Variants in AKR1C1 observed in about 807,000 individuals in gnomAD.
AKR1C1 encodes the protein aldo-keto reductase family 1 member C1, also known as 20 alpha-hydroxysteroid dehydrogenase.
AKR1C1 carries 32 observed loss-of-function variants against 40.6 expected under a neutral mutation model. The ratio of observed to expected loss-of-function variants is 0.79; its 90% CI spans 0.60 to 1.06. The LOEUF (loss-of-function observed/expected upper bound fraction) is 1.06, where lower values mean the gene tolerates loss of function less well. Among genes scored for constraint, AKR1C1 ranks in the 50% least tolerant of loss-of-function variants. The pLI, the probability that AKR1C1 is intolerant of heterozygous loss-of-function variation, is 0.00. For missense variants in AKR1C1, 320 were observed against 363.5 expected (o/e 0.88, Z 0.97); for synonymous variants, 105 against 134.2 (o/e 0.78, Z 1.50).
At chr10:4,973,292 G>C (rs1836468515) in intron 7 of AKR1C1, among the ~76,000 whole-genome samples, 1 of 151,556 alleles carries the variant, frequency 6.6e-6, no homozygotes. Context: ...AGCATTTATT[G>C]AGCTCAAGGT....
intron 6 of AKR1C1, 24 bp from the exon 7 acceptor site, chr10:4,972,560 C>G: frequency 6.2e-7 from 1 of 1,612,590 alleles, no homozygotes; most frequent in African/African-American, 1.3e-5. Flanking sequence ...CTCAGGGCCT[C>G]AGCCTTTCTG....
rs180762847 is a variant in AKR1C1 at position 4,979,213 on chromosome 10, C to A, written c.*1471C>A. The stretch of plus-strand genomic sequence containing the variant: ...CCATAAACTTTGGAGGGCCCTAGAC[C>A]AATTTTTTGGATTATTTTTCGTCTT... On this transcript the variant is annotated 3_prime_UTR_variant, in exon 9 of 9. Transcript: ENST00000380872. 5.4e-4 allele frequency: 82 copies of A among 152,216 alleles called. 1 individual carries two copies. The highest frequency in any genetic ancestry group is 1.9e-3 in the African/African-American group (80 of 41,540). The allele number at this position is 152,216 out of a possible 1,614,324, so 9.4% of individuals were successfully genotyped here.
At position 4,978,251 on chromosome 10, in the gene AKR1C1, C is replaced by G. The variant is rs1554770712; in HGVS notation, c.*509C>G. ...AATTCATGGGCTCCCTCCAGCAGTG[C>G]GAGGGTCAGAGTTTCTGGAGCCTTG... On this transcript the variant is annotated 3_prime_UTR_variant, in exon 9 of 9. Transcript: ENST00000380872. The G allele has an allele frequency of 6.7e-6, 1 of 148,802 alleles. No homozygotes were observed. Among genetic ancestry groups the G allele is most frequent in the South Asian group, 2.2e-4 (1 of 4,642 alleles). The allele number at this position is 148,802 out of a possible 1,614,324, so 9.2% of individuals were successfully genotyped here.
chr10:4,968,921 A>T lies in AKR1C1; in HGVS notation c.547A>T (p.Lys183Ter). ...LEMILNKPGLKYKPVCNQVEC... is the reference protein window; with the variant it reads ...LEMILNKPGL ...GATGATCCTCAACAAGCCAGGGCTC[A>T]AGTACAAGCCTGTCTGCAACCAGGT... The change falls in exon 5 of 9, where the codon AAG (lysine) becomes TAG (stop). Residue 183 changes from lysine (K) to a stop codon, truncating the protein, a stop_gained. Coordinates refer to ENST00000380872, the MANE Select transcript of AKR1C1 (RefSeq NM_001353.6). LOFTEE classifies it high-confidence loss of function. The T allele has an allele frequency of 6.2e-7, 1 of 1,614,186 alleles. No homozygotes were observed. Among genetic ancestry groups the T allele is most frequent in the Non-Finnish European group, 8.5e-7 (1 of 1,180,032 alleles).
Position 4,982,612 on chromosome 10 carries a change from C to T in AKR1C1, c.*4870C>T. 4.5e-6 allele frequency: 1 copy of T among 220,790 alleles called. No individual in the cohort carries two copies. Among genetic ancestry groups the T allele is most frequent in the Non-Finnish European group, 9.1e-6 (1 of 110,456 alleles). The allele number at this position is 220,790 out of a possible 1,614,324, so 13.7% of individuals were successfully genotyped here. Reference sequence around the variant, plus strand: ...GACCCACTGGTGGTACCCATCCACCCATCCTGGTAGCTTAACACAAAGATA... The same window carrying T: ...GACCCACTGGTGGTACCCATCCACCTATCCTGGTAGCTTAACACAAAGATA... On this transcript the variant is annotated 3_prime_UTR_variant, in exon 9 of 9. Coordinates refer to ENST00000380872, the MANE Select transcript of AKR1C1 (RefSeq NM_001353.6).
chr10:4,973,168 T>C (rs1369943604), intron 7 of AKR1C1, among the ~76,000 whole-genome samples: 1 of 36,184 alleles, frequency 2.8e-5, no homozygotes, highest in African/African-American at 1.5e-4. Flanking sequence ...AACTCTGCCT[T>C]TTTTTTTTTG....
At position 4,979,102 on chromosome 10, in the gene AKR1C1, A is replaced by G. The variant is rs568141521; in HGVS notation, c.*1360A>G. 4 of 152,326 alleles carry G rather than the reference A, an allele frequency of 2.6e-5. No individual in the cohort carries two copies. Among genetic ancestry groups the G allele is most frequent in the Non-Finnish European group, 4.4e-5 (3 of 68,036 alleles). The allele number at this position is 152,326 out of a possible 1,614,324, so 9.4% of individuals were successfully genotyped here. On this transcript the variant is annotated 3_prime_UTR_variant, in exon 9 of 9. Coordinates refer to ENST00000380872, the MANE Select transcript of AKR1C1 (RefSeq NM_001353.6). ...CCCATCAGAGATTCCTTCTCAAGCC[A>G]TGTCTCAGAGCTGAGAGGCATCCCA...
At chr10:4,964,887 C>G (rs1588557554) in intron 1 of AKR1C1, among the ~76,000 whole-genome samples, 1 of 152,198 alleles carries the variant, frequency 6.6e-6, no homozygotes, top group African/African-American at 2.4e-5. Flanking sequence ...AGGCCTGTTT[C>G]CCATATAAAC....
intron 5 of AKR1C1, 132 bp downstream of exon 5, chr10:4,969,076 GA>G: frequency 6.5e-7 from 1 of 1,539,220 alleles, no homozygotes; most frequent in Non-Finnish European, 8.8e-7. Context: ...ACTCTGTCTC[GA>G]AGGGCATAGA....
At chr10:4,969,806 T>A in intron 5 of AKR1C1, 1 of 1,510,758 alleles carries the variant, frequency 6.6e-7, no homozygotes. Context: ...TAAATTACAT[T>A]TTTTTGTTTT....
intron 8 of AKR1C1, among the ~76,000 whole-genome samples, chr10:4,977,012 A>G (rs1836536207): frequency 6.6e-6 from 1 of 152,258 alleles, no homozygotes; most frequent in South Asian, 2.1e-4. Flanking sequence ...GGTCTGGAGT[A>G]AACCACTTGC....
chr10:4,965,610 C>T lies in AKR1C1; in HGVS notation c.85-304C>T, dbSNP rs141994354. On this transcript the variant is annotated intron_variant, in intron 1 of 8. Transcript: ENST00000380872. ...ATACTAAAAATAATTAAGATTATAT[C>T]TATAACTATAGGTTGCATCCTGTTA... The T allele has an allele frequency of 4.1e-4, 103 of 249,226 alleles. 1 individual carries two copies. The highest frequency in any genetic ancestry group is 6.9e-4 in the Non-Finnish European group (90 of 130,936). The allele number at this position is 249,226 out of a possible 1,614,324, so 15.4% of individuals were successfully genotyped here.
chr10:4,977,562 G>A (rs1554770607), intron 8 of AKR1C1, 138 bp from the exon 9 acceptor site: 1 of 869,498 alleles, frequency 1.2e-6, no homozygotes, highest in Non-Finnish European at 1.7e-6. Flanking sequence ...ATTAAACAAA[G>A]AAACACAGAT....
At chr10:4,970,941 C>T (rs1333702594) in intron 5 of AKR1C1, among the ~76,000 whole-genome samples, 1 of 151,674 alleles carries the variant, frequency 6.6e-6, no homozygotes, top group Non-Finnish European at 1.5e-5. Context: ...GCACATGTAC[C>T]CTCGAACTTA....
chr10:4,973,677 A>T (rs1345227652), intron 7 of AKR1C1, among the ~76,000 whole-genome samples: 1 of 152,190 alleles, frequency 6.6e-6, no homozygotes, highest in Non-Finnish European at 1.5e-5. Context: ...AAATTCATAT[A>T]ACCAAGCAAG....
Position 4,968,835 on chromosome 10 carries a change from G to C in AKR1C1, c.461G>C (p.Cys154Ser). Residue 154 changes from cysteine (C) to serine (S), a missense_variant, in exon 5 of 9, where the codon TGT becomes TCT. Transcript: ENST00000380872. ...CCTTTTTCCCAGGCCGTGGAGAAGT[G>C]TAAAGATGCAGGATTGGCCAAGTCC... The part of the protein sequence containing the change: ...LCATWEAVEK[C>S]KDAGLAKSIG... The C allele has an allele frequency of 6.2e-7, 1 of 1,614,130 alleles. No homozygotes were observed. The highest frequency in any genetic ancestry group is 8.5e-7 in the Non-Finnish European group (1 of 1,180,030).
Position 4,965,953 on chromosome 10 carries a change from A to G in AKR1C1, c.124A>G (p.Ile42Val). ...AGCTTTAGAGGCCACCAAATTGGCA[A>G]TTGAAGCTGGCTTCCGCCATATTGA... is the stretch of plus-strand genomic sequence containing the variant. ...SKALEATKLA[I>V]EAGFRHIDSA... The change falls in exon 2 of 9, where the codon ATT becomes GTT. Residue 42 changes from isoleucine to valine, a missense_variant. By Grantham distance (29) the Ile-to-Val change is conservative (BLOSUM62 3). This residue lies in a region of AKR1C1 where 214 missense variants were observed against 214.8 expected (regional missense o/e 1.00). Coordinates refer to ENST00000380872, the MANE Select transcript of AKR1C1 (RefSeq NM_001353.6). 6.2e-7 allele frequency: 1 copy of G among 1,614,208 alleles called. No homozygotes were observed. The highest frequency in any genetic ancestry group is 2.2e-5 in the East Asian group (1 of 44,886).
At position 4,963,513 on chromosome 10, in the gene AKR1C1, C is replaced by CT. The variant is rs1274770894; in HGVS notation, c.70dup (p.Tyr24LeufsTer8). On this transcript the variant is annotated frameshift_variant, in exon 1 of 9. Transcript: ENST00000380872. LOFTEE classifies it high-confidence loss of function. ...TCATGCCTGTCCTGGGATTTGGCAC[C>CT]TATGCGCCTGCAGAGGTAACAATAA... The CT allele has an allele frequency of 6.2e-7, 1 of 1,613,132 alleles. No homozygotes were observed. Among genetic ancestry groups the CT allele is most frequent in the Non-Finnish European group, 8.5e-7 (1 of 1,179,624 alleles).
intron 7 of AKR1C1, among the ~76,000 whole-genome samples, chr10:4,975,453 T>A (rs1353306886): frequency 6.6e-6 from 1 of 152,196 alleles, no homozygotes; most frequent in Non-Finnish European, 1.5e-5. Context: ...TTATACCTGT[T>A]CATTGGAGAG....
Sources: allele counts gnomAD v4.1 joint callset (sites outside exome capture counted in the v4.1 genomes callset), GRCh38; gene constraint gnomAD v4.1.1; regional missense constraint gnomAD v4.1.1; transcripts MANE v1.5; gene names NCBI Gene and HGNC (gene_info 2026-07-23, HGNC 2026-07-21).